INSYN1: variants seen among roughly 807,000 people sequenced by gnomAD.
INSYN1 encodes the protein inhibitory synaptic factor 1, also known as UPF0583 protein C15orf59.
INSYN1 carries 7 observed loss-of-function variants against 17.1 expected under a neutral mutation model. The observed-to-expected ratio is 0.41, with a 90% CI of 0.23 to 0.77. INSYN1 has a LOEUF of 0.77. Ranked by LOEUF, INSYN1 falls within the 30% of genes least tolerant of loss-of-function variation. The pLI is 0.32. For missense variants in INSYN1, 339 were observed against 400.6 expected, an observed-to-expected ratio of 0.85 and a Z score of 1.31; for synonymous variants, 174 against 166.3, an observed-to-expected ratio of 1.05 and a Z score of -0.36.
rs944614388 is a variant in INSYN1, at chr15:73,751,421, G to A, written c.-291C>T. On this transcript the variant is annotated 5_prime_UTR_variant, in exon 2 of 3. Coordinates refer to ENST00000569673, the MANE Select transcript of INSYN1 (RefSeq NM_001039614.3). ...CTTGGGTCCCAGGAGTGGCCTCCAG[G>A]TCTTGAAGTGCCTGTGGGTGTGCAG... The A allele has an allele frequency of 8.8e-5, 39 of 444,534 alleles. No individual in the cohort carries two copies. The highest frequency in any genetic ancestry group is 6.3e-4 in the Middle Eastern group (1 of 1,586). 27.5% of individuals were successfully genotyped at this position (444,534 alleles called of 1,614,324 possible).
At chr15:73,741,314 A>G (rs1490479092) in intron 2 of INSYN1, among the ~76,000 whole-genome samples, 1 of 152,230 alleles carries the variant, frequency 6.6e-6, no homozygotes, top group Non-Finnish European at 1.5e-5. Flanking sequence ...TGACAAGTGG[A>G]GATCAATCCT....
At position 73,751,114 on chromosome 15, in the gene INSYN1, G is replaced by A. The variant is rs555011137; in HGVS notation, c.17C>T (p.Ala6Val). 2.5e-6 allele frequency: 4 copies of A among 1,613,818 alleles called. No individual in the cohort carries two copies. In the East Asian group the frequency reaches 8.9e-5, roughly 36 times the overall value. ...GTCACTGGGCTGCCCGAGGTCCGGG[G>A]CGCCCCGAATGTTCATCGTTTACCA... MNIRG[A>V]PDLGQPSDDP... Residue 6 changes from alanine to valine, a missense_variant, in exon 2 of 3, where the codon GCC (alanine) becomes GTC (valine). Physicochemically the swap from Ala to Val is moderately conservative, Grantham distance 64. Coordinates refer to ENST00000569673, the MANE Select transcript of INSYN1 (RefSeq NM_001039614.3).
In INSYN1 at chr15:73,736,717, AACCCC is replaced by A. The variant is rs1901537690; in HGVS notation, c.*3195_*3199del. ...CAAGACCATCCTGGCCATGTGGTGA[AACCCC>A]ATCTCTACTAAAAATACAAAACTTA... On this transcript the variant is annotated 3_prime_UTR_variant, in exon 3 of 3. Coordinates refer to ENST00000569673, the MANE Select transcript of INSYN1 (RefSeq NM_001039614.3). The A allele has an allele frequency of 6.6e-6, 1 of 152,242 alleles. No individual in the cohort carries two copies. Among genetic ancestry groups the A allele is most frequent in the Admixed American group, 6.5e-5 (1 of 15,282 alleles). 9.4% of individuals were successfully genotyped at this position (152,242 alleles called of 1,614,324 possible).
In INSYN1 at chr15:73,739,920, G is replaced by T; in HGVS notation, c.879C>A (p.Asn293Lys). 2.0e-6 allele frequency: 3 copies of T among 1,471,600 alleles called. No individual in the cohort carries two copies. The highest frequency in any genetic ancestry group is 9.4e-7 in the Non-Finnish European group (1 of 1,068,278). The allele number at this position is 1,471,600 out of a possible 1,614,324, so 91.2% of individuals were successfully genotyped here. The change falls in exon 3 of 3, where the codon AAC becomes AAA. Residue 293 changes from asparagine (N) to lysine (K), a missense_variant. Asn to Lys is a moderately conservative substitution (Grantham distance 94, BLOSUM62 0). Transcript: ENST00000569673. ...TATRQKARGK[N>K] ...CCCCCGGCCCCCTCCCCGGCCCCTA[G>T]TTTTTCCCCCTGGCTTTCTGTCTAG... is the stretch of plus-strand genomic sequence containing the variant.
rs930052048 is a variant in INSYN1, at chr15:73,751,475, G to A, written c.-345C>T. On this transcript the variant is annotated 5_prime_UTR_variant, in exon 2 of 3. Coordinates refer to ENST00000569673, the MANE Select transcript of INSYN1 (RefSeq NM_001039614.3). ...TGATCTCTGCCTGAGCTTGAACACA[G>A]AGGCAGGGGGATGACTCTGCAGGGA... 1.3e-5 allele frequency: 4 copies of A among 316,460 alleles called. No individual in the cohort carries two copies. Among genetic ancestry groups the A allele is most frequent in the African/African-American group, 2.1e-5 (1 of 47,800 alleles). 19.6% of individuals were successfully genotyped at this position (316,460 alleles called of 1,614,324 possible).
intron 2 of INSYN1, among the ~76,000 whole-genome samples, chr15:73,745,706 G>T (rs1482819438): frequency 1.3e-5 from 2 of 152,178 alleles, no homozygotes; most frequent in African/African-American, 4.8e-5. Context: ...CTACTCGGGA[G>T]GCTGAGGCAG....
chr15:73,742,811 GCGTAGGGA>G (rs1216443510), intron 2 of INSYN1, among the ~76,000 whole-genome samples: 1 of 152,110 alleles, frequency 6.6e-6, no homozygotes, highest in Non-Finnish European at 1.5e-5. Flanking sequence ...CACTGGCCTA[GCGTAGGGA>G]CACTCAGACT....
intron 2 of INSYN1, among the ~76,000 whole-genome samples, chr15:73,745,545 G>A (rs745589395): frequency 3.3e-5 from 5 of 152,194 alleles, no homozygotes; most frequent in South Asian, 2.1e-4. Flanking sequence ...CGTGGTTGAT[G>A]TCTGTCTCCC....
rs1259661256 is a variant in INSYN1 at position 73,739,560 on chromosome 15, C to T, written c.*357G>A. 2 of 152,520 alleles carry T rather than the reference C, an allele frequency of 1.3e-5. No homozygotes were observed. Among genetic ancestry groups the T allele is most frequent in the African/African-American group, 2.4e-5 (1 of 41,564 alleles). 9.4% of individuals were successfully genotyped at this position (152,520 alleles called of 1,614,324 possible). Reference sequence around the variant, plus strand: ...AGAGCCCGCCTCCTGCAGGGGAGTCCCCTCTAGGACATGGCCCTGGCCATC... The same window carrying T: ...AGAGCCCGCCTCCTGCAGGGGAGTCTCCTCTAGGACATGGCCCTGGCCATC... On this transcript the variant is annotated 3_prime_UTR_variant, in exon 3 of 3. Transcript: ENST00000569673.
intron 2 of INSYN1, among the ~76,000 whole-genome samples, chr15:73,746,481 G>A (rs1431502210): frequency 6.6e-6 from 1 of 152,166 alleles, no homozygotes; most frequent in Non-Finnish European, 1.5e-5. Context: ...TCTCACACTT[G>A]CATGGCCTAT....
intron 2 of INSYN1, among the ~76,000 whole-genome samples, chr15:73,746,727 G>C (rs925344877): frequency 3.3e-4 from 51 of 152,280 alleles, no homozygotes; most frequent in African/African-American, 1.2e-3. Context: ...CCGATGATGT[G>C]GGAGACACTG....
intron 2 of INSYN1, among the ~76,000 whole-genome samples, chr15:73,744,267 G>A (rs1405300749): frequency 6.6e-6 from 1 of 152,208 alleles, no homozygotes; most frequent in East Asian, 1.9e-4. Flanking sequence ...CAGTGCCTGT[G>A]GCAGAATAAT....
rs1901977737 is a variant in INSYN1, at chr15:73,751,283, G to A, written c.-153C>T. Reference sequence around the variant, plus strand: ...CCTGGGCGGCCCTCAACCAGCCCCTGCCCCCTGCCACCCAGCCTCCTCTGC... The same window carrying A: ...CCTGGGCGGCCCTCAACCAGCCCCTACCCCCTGCCACCCAGCCTCCTCTGC... On this transcript the variant is annotated 5_prime_UTR_variant, in exon 2 of 3. Coordinates refer to ENST00000569673, the MANE Select transcript of INSYN1 (RefSeq NM_001039614.3). 3.8e-6 allele frequency: 3 copies of A among 795,720 alleles called. No individual in the cohort carries two copies. The highest frequency in any genetic ancestry group is 5.9e-6 in the Non-Finnish European group (3 of 505,734). 49.3% of individuals were successfully genotyped at this position (795,720 alleles called of 1,614,324 possible).
rs187518383 is a variant in INSYN1 at position 73,741,657 on chromosome 15, A to G, written c.157-1015T>C. Among the ~76,000 whole-genome samples, 845 of 152,274 alleles carry G rather than the reference A, an allele frequency of 5.5e-3. 7 individuals are homozygous for G. Among genetic ancestry groups the G allele is most frequent in the Non-Finnish European group, 5.4e-3 (366 of 68,028 alleles). ...TTCCAACCAAAAACAAAACAGAAAA[A>G]CAATGAAAACAAAGCAGCGAGGCCA... On this transcript the variant is annotated intron_variant, in intron 2 of 2. Coordinates refer to ENST00000569673, the MANE Select transcript of INSYN1 (RefSeq NM_001039614.3).
Position 73,739,794 on chromosome 15 carries a change from A to C in INSYN1, c.*123T>G. The C allele has an allele frequency of 4.8e-6, 1 of 206,992 alleles. No homozygotes were observed. Among genetic ancestry groups the C allele is most frequent in the Non-Finnish European group, 9.1e-6 (1 of 110,406 alleles). 12.8% of individuals were successfully genotyped at this position (206,992 alleles called of 1,614,324 possible). ...TGAAAGCTTTGGGGCCTGTGGGGCC[A>C]GATCCTTAGCATTTTTAAATTTTAT... On this transcript the variant is annotated 3_prime_UTR_variant, in exon 3 of 3. Transcript: ENST00000569673.
At chr15:73,750,463 G>T (rs946109949) in intron 2 of INSYN1, among the ~76,000 whole-genome samples, 1 of 152,104 alleles carries the variant, frequency 6.6e-6, no homozygotes, top group African/African-American at 2.4e-5. Context: ...GACATAGCTG[G>T]CTTAAATTTT....
rs1204658200 is a variant in INSYN1, at chr15:73,738,391, A to G, written c.*1526T>C. The G allele has an allele frequency of 6.6e-6, 1 of 152,278 alleles. No homozygotes were observed. Among genetic ancestry groups the G allele is most frequent in the Non-Finnish European group, 1.5e-5 (1 of 68,078 alleles). 9.4% of individuals were successfully genotyped at this position (152,278 alleles called of 1,614,324 possible). On this transcript the variant is annotated 3_prime_UTR_variant, in exon 3 of 3. Coordinates refer to ENST00000569673, the MANE Select transcript of INSYN1 (RefSeq NM_001039614.3). ...TGAACCTCAGTCATCTCATTTGAAA[A>G]ATGGGGATAGGTGGGGGCACAGTGG...
chr15:73,745,095 C>G (rs1162861455), intron 2 of INSYN1, among the ~76,000 whole-genome samples: 1 of 152,146 alleles, frequency 6.6e-6, no homozygotes. Context: ...AAACTGCACC[C>G]ATCTAGTCTT....
Position 73,751,260 on chromosome 15 carries a change from T to A in INSYN1, c.-130A>T, listed in dbSNP as rs768180465. 32 of 1,162,470 alleles carry A rather than the reference T, an allele frequency of 2.8e-5. No individual in the cohort carries two copies. Among genetic ancestry groups the A allele is most frequent in the Non-Finnish European group, 3.9e-5 (32 of 829,022 alleles). 72.0% of individuals were successfully genotyped at this position (1,162,470 alleles called of 1,614,324 possible). On this transcript the variant is annotated 5_prime_UTR_variant, in exon 2 of 3. Transcript: ENST00000569673. ...ACGGCCCCCCAGCCCACCCTGGCCC[T>A]GGGCGGCCCTCAACCAGCCCCTGCC...
Sources: allele counts gnomAD v4.1 joint callset (sites outside exome capture counted in the v4.1 genomes callset), GRCh38; gene constraint gnomAD v4.1.1; transcripts MANE v1.5; gene names NCBI Gene and HGNC (gene_info 2026-07-23, HGNC 2026-07-21).